GRM7: variants seen among roughly 807,000 people sequenced by gnomAD.
GRM7 encodes glutamate metabotropic receptor 7, also known as metabotropic glutamate receptor 7.
GRM7 carries 35 observed loss-of-function variants against 84.5 expected under a neutral mutation model. That is an observed-to-expected ratio of 0.41 (90% confidence interval 0.32 to 0.55). The LOEUF (loss-of-function observed/expected upper bound fraction) is 0.55. Among genes scored for constraint, GRM7 ranks in the 20% least tolerant of loss-of-function variants. The probability of loss-of-function intolerance (pLI) is 0.19; values close to 1 mark genes in which losing one functional copy is unlikely to be tolerated. For synonymous variants in GRM7, 487 were observed against 455.1 expected (o/e 1.07, Z -0.89); for missense variants, 1,003 against 1,194.6 (o/e 0.84, Z 2.36).
At chr3:7,257,947 G>T (rs1698269481) in intron 2 of GRM7, among the ~76,000 whole-genome samples, 1 of 152,150 alleles carries the variant, frequency 6.6e-6, no homozygotes, top group South Asian at 2.1e-4. Flanking sequence ...TTACTCATAT[G>T]TATGAGTTTT....
At chr3:7,455,104 A>G (rs899021320) in intron 6 of GRM7, among the ~76,000 whole-genome samples, 1 of 152,140 alleles carries the variant, frequency 6.6e-6, no homozygotes, top group Non-Finnish European at 1.5e-5. Context: ...AAGAGATCCC[A>G]TTGGCCAACT....
At chr3:6,908,014 A>G (rs1049204023) in intron 1 of GRM7, among the ~76,000 whole-genome samples, 2 of 152,198 alleles carry the variant, frequency 1.3e-5, no homozygotes, top group African/African-American at 2.4e-5. Flanking sequence ...AAGATTACAT[A>G]TACTGTACAT....
At chr3:7,064,611 G>T (rs900221852) in intron 1 of GRM7, among the ~76,000 whole-genome samples, 2 of 150,040 alleles carry the variant, frequency 1.3e-5, no homozygotes, top group African/African-American at 4.9e-5. Flanking sequence ...GGGCATTTGC[G>T]TTGGTTCCAA....
At chr3:7,707,702 C>T (rs865865812) in intron 9 of GRM7, among the ~76,000 whole-genome samples, 24 of 152,144 alleles carry the variant, frequency 1.6e-4, no homozygotes, top group African/African-American at 5.6e-4. Flanking sequence ...CAGATGCCTC[C>T]AAAACAGCCC....
At chr3:7,254,612 A>G (rs546872964) in intron 2 of GRM7, among the ~76,000 whole-genome samples, 7 of 152,318 alleles carry the variant, frequency 4.6e-5, no homozygotes, top group African/African-American at 1.7e-4. Flanking sequence ...CTTTCTTCCA[A>G]TAAAACTTTT....
intron 4 of GRM7, among the ~76,000 whole-genome samples, chr3:7,350,966 T>C (rs1693114616): frequency 6.6e-6 from 1 of 152,076 alleles, no homozygotes; most frequent in Admixed American, 6.6e-5. Flanking sequence ...AGAGTAAATC[T>C]CCTTTCATCA....
chr3:7,440,261 C>A (rs1266100149), intron 5 of GRM7, among the ~76,000 whole-genome samples: 1 of 152,162 alleles, frequency 6.6e-6, no homozygotes, highest in Non-Finnish European at 1.5e-5. Context: ...GTAAAGCTAT[C>A]AACTCTAGCA....
At chr3:7,671,371 T>C (rs765341745) in intron 8 of GRM7, among the ~76,000 whole-genome samples, 2 of 152,062 alleles carry the variant, frequency 1.3e-5, no homozygotes, top group Non-Finnish European at 2.9e-5. Context: ...GAATAGACAC[T>C]GCATCAGGCT....
At chr3:7,159,988 G>T (rs571053382) in intron 2 of GRM7, among the ~76,000 whole-genome samples, 1 of 152,278 alleles carries the variant, frequency 6.6e-6, no homozygotes, top group South Asian at 2.1e-4. Context: ...AGCATGAAAA[G>T]ATTAAGAAAT....
intron 2 of GRM7, among the ~76,000 whole-genome samples, chr3:7,157,031 A>C (rs996568767): frequency 1.3e-5 from 2 of 152,180 alleles, no homozygotes; most frequent in East Asian, 1.9e-4. Flanking sequence ...TAAGGAATCA[A>C]GAAGCTTGGA....
chr3:7,717,009 G>T (rs968936041), intron 9 of GRM7, among the ~76,000 whole-genome samples: 1 of 151,998 alleles, frequency 6.6e-6, no homozygotes, highest in Non-Finnish European at 1.5e-5. Flanking sequence ...ATTCTGAAAG[G>T]GCCTCTGGTT....
At chr3:7,686,334 C>T (rs777944103) in intron 9 of GRM7, 1 of 908,998 alleles carries the variant, frequency 1.1e-6, no homozygotes, top group Non-Finnish European at 1.8e-6. Context: ...TTATACATAC[C>T]TATATATTTA....
At chr3:6,907,217 A>T (rs180928882) in intron 1 of GRM7, among the ~76,000 whole-genome samples, 80 of 152,244 alleles carry the variant, frequency 5.3e-4, no homozygotes, top group East Asian at 4.1e-3. Context: ...TTTTTTAGTT[A>T]AAAAATACTA....
At chr3:7,385,778 T>C (rs1909381) in intron 4 of GRM7, among the ~76,000 whole-genome samples, 31,315 of 152,210 alleles carry the variant, frequency 0.21, 4,321 homozygotes, top group Non-Finnish European at 0.3. Context: ...AAGACATTCT[T>C]AGCATTCTTG....
chr3:7,059,675 T>C (rs1697362047), intron 1 of GRM7, among the ~76,000 whole-genome samples: 2 of 151,770 alleles, frequency 1.3e-5, no homozygotes, highest in South Asian at 4.1e-4. Context: ...TAGGTGATAG[T>C]ATTAAGAGGT....
chr3:7,376,768 AG>A (rs71625342), intron 4 of GRM7, among the ~76,000 whole-genome samples: 57,393 of 152,064 alleles, frequency 0.38, 11,213 homozygotes, highest in East Asian at 0.57. Context: ...TTTACAGAAA[AG>A]AAAATTGCTG....
chr3:7,718,058 C>T, intron 9 of GRM7, among the ~76,000 whole-genome samples: 1 of 152,154 alleles, frequency 6.6e-6, no homozygotes, highest in Non-Finnish European at 1.5e-5. Context: ...ACTCTGGAGT[C>T]AGATGGCCTA....
intron 2 of GRM7, among the ~76,000 whole-genome samples, chr3:7,239,857 C>T (rs1182737985): frequency 6.6e-6 from 1 of 152,174 alleles, no homozygotes; most frequent in Non-Finnish European, 1.5e-5. Context: ...TAGTTCTGCC[C>T]TTCTCCTGAA....
At chr3:7,372,628 A>T (rs1197712846) in intron 4 of GRM7, among the ~76,000 whole-genome samples, 2 of 152,178 alleles carry the variant, frequency 1.3e-5, no homozygotes, top group Non-Finnish European at 2.9e-5. Context: ...AGAATAAAAG[A>T]TCCCTAAAAG....
Sources: gnomAD v4.1 joint callset for allele counts (sites outside exome capture counted in the v4.1 genomes callset) on GRCh38, gnomAD v4.1.1 for gene constraint, MANE v1.5 for transcripts, NCBI Gene and HGNC (gene_info 2026-07-23, HGNC 2026-07-21) for gene names.